The following FAM114A1 variants were observed in gnomAD, a reference collection of about 807,000 sequenced individuals.
The protein encoded by FAM114A1 is protein NOXP20.
A neutral mutation model predicts 64.3 loss-of-function variants in FAM114A1; 62 were observed. The observed-to-expected ratio is 0.96, with a 90% CI of 0.79 to 1.19. The LOEUF (loss-of-function observed/expected upper bound fraction) is 1.19. Among genes scored for constraint, FAM114A1 ranks in the 50% most tolerant of loss-of-function variants. The probability of loss-of-function intolerance (pLI) is 0.00; values close to 1 mark genes in which losing one functional copy is unlikely to be tolerated. For missense variants in FAM114A1, 645 were observed against 676.3 expected (o/e 0.95, Z 0.51); for synonymous variants, 254 against 251.1 (o/e 1.01, Z -0.11).
intron 13 of FAM114A1, among the ~76,000 whole-genome samples, chr4:38,937,187 T>C (rs1721183085): frequency 6.6e-6 from 1 of 152,214 alleles, no homozygotes; most frequent in Admixed American, 6.5e-5. Context: ...AGTATATTAG[T>C]TTCCTAGGGC....
chr4:38,878,012 T>G, intron 2 of FAM114A1, 59 bp from the exon 3 acceptor site: 1 of 1,399,018 alleles, frequency 7.1e-7, no homozygotes, highest in Non-Finnish European at 9.7e-7. Flanking sequence ...TATCCAGGGC[T>G]TTGAATTGAA....
chr4:38,927,254 T>C (rs1034967699), intron 9 of FAM114A1, among the ~76,000 whole-genome samples: 3 of 152,196 alleles, frequency 2.0e-5, no homozygotes, highest in African/African-American at 7.2e-5. Context: ...CAAAATACCA[T>C]AGACTATGTG....
chr4:38,879,988 C>G (rs771293610), intron 3 of FAM114A1, among the ~76,000 whole-genome samples: 4 of 151,848 alleles, frequency 2.6e-5, no homozygotes, highest in Non-Finnish European at 5.9e-5. Context: ...ATCACCTGAA[C>G]CCAGGTGGTC....
chr4:38,902,206 T>C (rs921848972), intron 4 of FAM114A1, among the ~76,000 whole-genome samples: 6 of 152,222 alleles, frequency 3.9e-5, no homozygotes, highest in East Asian at 1.9e-4. Flanking sequence ...GTTTTCTCAG[T>C]TGTGAAATGA....
At position 38,935,739 on chromosome 4, in the gene FAM114A1, T is replaced by G. The variant is rs746611052; in HGVS notation, c.1485T>G (p.Asn495Lys). 1.2e-6 allele frequency: 2 copies of G among 1,610,616 alleles called. No individual in the cohort carries two copies. The highest frequency in any genetic ancestry group is 1.1e-5 in the South Asian group (1 of 90,742). The change falls in exon 13 of 15, where the codon AAT (asparagine) becomes AAG (lysine). Residue 495 changes from asparagine (N) to lysine (K), a missense_variant. Transcript: ENST00000358869. ...TCAGATTAACTACTGCAATGTGCAATGAAGTGGCCTCTTTATCAAAGAAGT... is the reference window on the plus strand; with the variant it reads ...TCAGATTAACTACTGCAATGTGCAAGGAAGTGGCCTCTTTATCAAAGAAGT... ...VLIKLTTAMCNEVASLSKKFT... is the reference protein window; with the variant it reads ...VLIKLTTAMCKEVASLSKKFT...
At chr4:38,884,607 G>A (rs1490603867) in intron 3 of FAM114A1, among the ~76,000 whole-genome samples, 6 of 152,170 alleles carry the variant, frequency 3.9e-5, no homozygotes, top group African/African-American at 9.7e-5. Flanking sequence ...TTCTATAAGC[G>A]AAATCAAGTT....
chr4:38,896,668 A>C (rs1284411370), intron 4 of FAM114A1, among the ~76,000 whole-genome samples: 1 of 152,254 alleles, frequency 6.6e-6, no homozygotes, highest in African/African-American at 2.4e-5. Flanking sequence ...TTGAGCCACT[A>C]TCTTGGGATT....
intron 14 of FAM114A1, 45 bp downstream of exon 14, chr4:38,941,066 G>T: frequency 2.2e-5 from 30 of 1,386,964 alleles, no homozygotes; most frequent in South Asian, 3.7e-5. Context: ...CAAAGTAAAT[G>T]TTAGAACTAC....
chr4:38,882,094 T>G (rs1038866346), intron 3 of FAM114A1, among the ~76,000 whole-genome samples: 1 of 144,050 alleles, frequency 6.9e-6, no homozygotes, highest in Admixed American at 6.9e-5. Flanking sequence ...GGGTGGATCA[T>G]GAGGTCAGGA....
rs1374566442 is a variant in FAM114A1 at position 38,931,731 on chromosome 4, A to G, written c.1323+119A>G. The G allele has an allele frequency of 5.3e-6, 6 of 1,130,998 alleles. No homozygotes were observed. In the African/African-American group the frequency reaches 6.4e-5, roughly 12 times the overall value. The allele number at this position is 1,130,998 out of a possible 1,614,324, so 70.1% of individuals were successfully genotyped here. A position where few individuals can be genotyped will look rare whatever the true frequency, so the allele number is the denominator to read the frequency against. ...TTCATTTGTTCCGTGTTATAGAAAT[A>G]TAAGTTTGAGACCAGCCTGGCCAAC... On this transcript the variant is annotated intron_variant, in intron 11 of 14. Coordinates refer to ENST00000358869, the MANE Select transcript of FAM114A1 (RefSeq NM_138389.4).
chr4:38,920,461 C>G (rs1198313180), intron 8 of FAM114A1, among the ~76,000 whole-genome samples: 1 of 152,114 alleles, frequency 6.6e-6, no homozygotes, highest in African/African-American at 2.4e-5. Context: ...AGATTCAATG[C>G]ACATGGCCTT....
chr4:38,875,241 T>C (rs905348770), intron 2 of FAM114A1, among the ~76,000 whole-genome samples: 4 of 152,234 alleles, frequency 2.6e-5, no homozygotes, highest in Admixed American at 2.0e-4. Context: ...AAGAATAGCA[T>C]TGAATCTGTA....
chr4:38,923,689 A>C (rs142137922), intron 9 of FAM114A1, among the ~76,000 whole-genome samples: 271 of 152,288 alleles, frequency 1.8e-3, no homozygotes, highest in African/African-American at 6.4e-3. Flanking sequence ...TCTACCTAAA[A>C]AGTTCAGTTC....
chr4:38,931,483 G>T lies in FAM114A1; in HGVS notation c.1194G>T (p.Glu398Asp), dbSNP rs145471957. ...AGAGGGCTCATGACTGGGTGGAAGA[G>T]GATCAAACCGTGGTGTCAGTAGATG... ...AMKRAHDWVEEDQTVVSVDVA... is the reference protein window; with the variant it reads ...AMKRAHDWVEDDQTVVSVDVA... The change falls in exon 11 of 15, where the codon GAG becomes GAT. Residue 398 changes from glutamate to aspartate, a missense_variant. By Grantham distance (45) the Glu-to-Asp change is conservative. Coordinates refer to ENST00000358869, the MANE Select transcript of FAM114A1 (RefSeq NM_138389.4). 542 of 1,613,996 alleles carry T rather than the reference G, an allele frequency of 3.4e-4. No individual in the cohort carries two copies. The highest frequency in any genetic ancestry group is 6.6e-4 in the Middle Eastern group (4 of 6,062).
intron 8 of FAM114A1, among the ~76,000 whole-genome samples, chr4:38,916,897 A>G (rs9306969): frequency 0.1 from 15,961 of 152,192 alleles, 2,457 homozygotes; most frequent in African/African-American, 0.34. Context: ...ATTCATTCAC[A>G]TGACTATTGA....
Position 38,915,021 on chromosome 4 carries a change from G to T in FAM114A1, c.893G>T (p.Gly298Val). 1 of 1,614,218 alleles carries T rather than the reference G, an allele frequency of 6.2e-7. No individual in the cohort carries two copies. The change falls in exon 8 of 15, where the codon GGC becomes GTC. Residue 298 changes from glycine to valine, a missense_variant. Physicochemically the swap from Gly to Val is moderately radical, Grantham distance 109 (BLOSUM62 -3). Transcript: ENST00000358869. ...HYGMLFDEYQ[G>V]LSHLEALEIL... is the part of the protein sequence containing the mutation. ...GGGATGCTGTTTGATGAATATCAAG[G>T]CTTGTCACACCTGGAAGCCCTGGAA...
At chr4:38,873,316 AAAG>A (rs1257015906) in intron 2 of FAM114A1, among the ~76,000 whole-genome samples, 1 of 152,210 alleles carries the variant, frequency 6.6e-6, no homozygotes, top group Non-Finnish European at 1.5e-5. Context: ...GTGAAGGAAA[AAAG>A]AAAGACAATA....
At chr4:38,936,710 G>A (rs886753444) in intron 13 of FAM114A1, among the ~76,000 whole-genome samples, 3 of 151,930 alleles carry the variant, frequency 2.0e-5, no homozygotes, top group Non-Finnish European at 4.4e-5. Context: ...ACGCCACCAC[G>A]CCCAGCTAAC....
intron 3 of FAM114A1, among the ~76,000 whole-genome samples, chr4:38,891,480 C>T (rs985143819): frequency 2.1e-4 from 32 of 152,108 alleles, no homozygotes; most frequent in African/African-American, 7.0e-4. Context: ...AAGAGAGAAT[C>T]GAGGCTCAGT....
Sources: allele counts gnomAD v4.1 joint callset (sites outside exome capture counted in the v4.1 genomes callset), GRCh38; gene constraint gnomAD v4.1.1; transcripts MANE v1.5; gene names NCBI Gene and HGNC (gene_info 2026-07-23, HGNC 2026-07-21).